Variants in MPPED2 observed in about 807,000 individuals in gnomAD.
The protein encoded by MPPED2 is metallophosphoesterase domain containing 2, also known as metallophosphoesterase MPPED2.
In MPPED2, 5 loss-of-function variants were observed where a neutral mutation model predicts 33.0. The ratio of observed to expected loss-of-function variants is 0.15; its 90% confidence interval spans 0.08 to 0.32. The LOEUF is 0.32. MPPED2 is among the 10% of genes least tolerant of loss of function. MPPED2 has a pLI of 1.00. For missense variants in MPPED2, 275 were observed against 372.1 expected (o/e 0.74, Z 2.15); for synonymous variants, 136 against 141.9 (o/e 0.96, Z 0.29).
At chr11:30,507,097 C>T (rs1336415048) in intron 3 of MPPED2, among the ~76,000 whole-genome samples, 19 of 152,214 alleles carry the variant, frequency 1.2e-4, no homozygotes, top group African/African-American at 3.9e-4. Flanking sequence ...ACTTTCAAAG[C>T]ATCTTCTTTA....
intron 2 of MPPED2, among the ~76,000 whole-genome samples, chr11:30,572,762 G>T (rs916505232): frequency 1.3e-5 from 2 of 152,096 alleles, no homozygotes; most frequent in South Asian, 4.1e-4. Flanking sequence ...CTGTGTGAGC[G>T]TTAGGGGTCA....
intron 3 of MPPED2, among the ~76,000 whole-genome samples, chr11:30,500,224 T>C (rs1434779044): frequency 6.6e-6 from 1 of 152,188 alleles, no homozygotes; most frequent in Non-Finnish European, 1.5e-5. Flanking sequence ...TTGATCACAC[T>C]ACAGTGGTGT....
At chr11:30,585,117 G>A (rs1357949945) in intron 1 of MPPED2, among the ~76,000 whole-genome samples, 1 of 152,026 alleles carries the variant, frequency 6.6e-6, no homozygotes, top group African/African-American at 2.4e-5. Context: ...TCACCTCCTA[G>A]GCCGCAAAAC....
intron 3 of MPPED2, among the ~76,000 whole-genome samples, chr11:30,530,503 G>A (rs546782599): frequency 1.0e-3 from 158 of 152,332 alleles, no homozygotes; most frequent in African/African-American, 3.7e-3. Flanking sequence ...TGACTGATGT[G>A]TTAAGGAAAG....
intron 4 of MPPED2, among the ~76,000 whole-genome samples, chr11:30,448,846 G>A (rs958998290): frequency 2.0e-5 from 3 of 151,972 alleles, no homozygotes; most frequent in South Asian, 2.1e-4. Context: ...TAGTAGAGAC[G>A]GGGTTTCTCC....
chr11:30,583,311 A>G (rs1439731975), intron 1 of MPPED2, among the ~76,000 whole-genome samples: 1 of 151,942 alleles, frequency 6.6e-6, no homozygotes, highest in Admixed American at 6.5e-5. Flanking sequence ...CTTCCAAATG[A>G]TCAGATTTTC....
At chr11:30,494,757 A>AAAAAAAAAAAAAAAAAAAAAAAAAAAAAG (rs768924251) in intron 4 of MPPED2, among the ~76,000 whole-genome samples, 1 of 120,882 alleles carries the variant, frequency 8.3e-6, no homozygotes, top group African/African-American at 4.8e-5. Flanking sequence ...AAAAAAAAAA[A>AAAAAAAAAAAAAAAAAAAAAAAAAAAAAG]AAAGAAAGAA....
intron 2 of MPPED2, among the ~76,000 whole-genome samples, chr11:30,551,602 A>T (rs1955717606): frequency 6.6e-6 from 1 of 152,232 alleles, no homozygotes; most frequent in African/African-American, 2.4e-5. Context: ...GTCTTTTGTC[A>T]GGTGTTTTTA....
intron 3 of MPPED2, among the ~76,000 whole-genome samples, chr11:30,531,522 T>G (rs915441125): frequency 6.6e-6 from 1 of 152,228 alleles, no homozygotes; most frequent in African/African-American, 2.4e-5. Flanking sequence ...TCCTGATCAT[T>G]TCAAGTGTTC....
intron 4 of MPPED2, among the ~76,000 whole-genome samples, chr11:30,476,785 T>A (rs2134094538): frequency 6.6e-6 from 1 of 152,218 alleles, no homozygotes; most frequent in South Asian, 2.1e-4. Context: ...AAAAGCCTGC[T>A]GAGATTTTTA....
chr11:30,499,193 G>A (rs1200038528), intron 3 of MPPED2, among the ~76,000 whole-genome samples: 1 of 152,168 alleles, frequency 6.6e-6, no homozygotes, highest in Non-Finnish European at 1.5e-5. Context: ...CAGAAGGAGG[G>A]AGGTTCTCTT....
In MPPED2 at chr11:30,524,107, C is replaced by T. The variant is rs537577175; in HGVS notation, c.310+11887G>A. ...TCTACTAAAAATACAAAAATTAGCT[C>T]GGCATGATGACCAGTGCCTGTAATT... On this transcript the variant is annotated intron_variant, in intron 3 of 6. Coordinates refer to ENST00000358117, the MANE Select transcript of MPPED2 (RefSeq NM_001584.3). 1.4e-4 allele frequency among the ~76,000 whole-genome samples: 22 copies of T among 151,802 alleles called. No homozygotes were observed. The South Asian group carries it at 1.7e-3, about 12-fold the overall frequency.
intron 4 of MPPED2, among the ~76,000 whole-genome samples, chr11:30,438,152 ACTATGTGTCAG>A (rs1949405703): frequency 6.6e-6 from 1 of 152,240 alleles, no homozygotes; most frequent in Non-Finnish European, 1.5e-5. Context: ...ATTGAGCCCT[ACTATGTGTCAG>A]AGATGACCAA....
chr11:30,430,969 G>A (rs1251967103), intron 4 of MPPED2, among the ~76,000 whole-genome samples: 1 of 152,168 alleles, frequency 6.6e-6, no homozygotes, highest in African/African-American at 2.4e-5. Flanking sequence ...CAGAATTAGA[G>A]ATGAAAGAGG....
chr11:30,580,705 T>G (rs4922556), intron 1 of MPPED2, among the ~76,000 whole-genome samples: 24,669 of 152,176 alleles, frequency 0.16, 2,036 homozygotes, highest in Middle Eastern at 0.19. Context: ...TGCTAGCAAA[T>G]CTTCTCAATG....
intron 4 of MPPED2, among the ~76,000 whole-genome samples, chr11:30,492,871 T>G (rs1391934187): frequency 6.6e-6 from 1 of 152,188 alleles, no homozygotes; most frequent in Non-Finnish European, 1.5e-5. Context: ...GAGCAATTAC[T>G]TAACTTTTCT....
intron 4 of MPPED2, among the ~76,000 whole-genome samples, chr11:30,476,503 A>G (rs1297554338): frequency 2.0e-5 from 3 of 151,968 alleles, no homozygotes; most frequent in Non-Finnish European, 4.4e-5. Flanking sequence ...TTTATCGAAG[A>G]CTACTGTTTC....
At chr11:30,516,678 A>G (rs952452052) in intron 3 of MPPED2, among the ~76,000 whole-genome samples, 11 of 152,204 alleles carry the variant, frequency 7.2e-5, no homozygotes, top group African/African-American at 2.7e-4. Flanking sequence ...TTGATTTTCA[A>G]TGGCACTGTA....
chr11:30,544,651 T>C (rs1206216621), intron 2 of MPPED2, among the ~76,000 whole-genome samples: 1 of 152,188 alleles, frequency 6.6e-6, no homozygotes, highest in Non-Finnish European at 1.5e-5. Context: ...CCAGCCAGTC[T>C]GAGATGGTCC....
Sources: gnomAD v4.1 joint callset for allele counts (sites outside exome capture counted in the v4.1 genomes callset) on GRCh38, gnomAD v4.1.1 for gene constraint, MANE v1.5 for transcripts, NCBI Gene and HGNC (gene_info 2026-07-23, HGNC 2026-07-21) for gene names.